The following KIF3A variants were observed in gnomAD, a reference collection of about 807,000 sequenced individuals.
KIF3A encodes the protein kinesin family member 3A, also known as kinesin-like protein KIF3A.
In KIF3A, 27 loss-of-function variants were observed where a neutral mutation model predicts 92.6. The observed-to-expected ratio is 0.29, with a 90% CI of 0.21 to 0.40. The LOEUF (loss-of-function observed/expected upper bound fraction) is 0.40, where lower values mean the gene tolerates loss of function less well. Among genes scored for constraint, KIF3A ranks in the 10% least tolerant of loss-of-function variants. The probability of loss-of-function intolerance (pLI) is 1.00; values close to 1 mark genes in which losing one functional copy is unlikely to be tolerated. For missense variants in KIF3A, 581 were observed against 872.6 expected, an observed-to-expected ratio of 0.67 and a Z score of 4.21; for synonymous variants, 250 against 275.4, an observed-to-expected ratio of 0.91 and a Z score of 0.92.
intron 10 of KIF3A, among the ~76,000 whole-genome samples, chr5:132,708,401 TTA>T (rs1753298170): frequency 6.6e-6 from 1 of 152,232 alleles, no homozygotes; most frequent in African/African-American, 2.4e-5. Context: ...GCTTCAAGCT[TTA>T]TGTTTTTCTT....
chr5:132,704,140 A>G (rs1285848563), intron 11 of KIF3A, among the ~76,000 whole-genome samples: 2 of 152,004 alleles, frequency 1.3e-5, no homozygotes, highest in Non-Finnish European at 2.9e-5. Context: ...TAGTTTTAAT[A>G]TATTTTTCAG....
At chr5:132,711,916 C>T (rs547507535) in intron 8 of KIF3A, among the ~76,000 whole-genome samples, 6 of 152,122 alleles carry the variant, frequency 3.9e-5, no homozygotes, top group African/African-American at 1.2e-4. Context: ...AATGATGAAG[C>T]CAATAAAACA....
chr5:132,726,550 C>A, intron 2 of KIF3A, 52 bp from the exon 3 acceptor site: 1 of 1,474,300 alleles, frequency 6.8e-7, no homozygotes, highest in Non-Finnish European at 9.4e-7. Context: ...TGCTACAGAA[C>A]AATAGCTCTT....
chr5:132,704,203 T>C (rs1753136100), intron 11 of KIF3A, among the ~76,000 whole-genome samples: 1 of 151,956 alleles, frequency 6.6e-6, no homozygotes, highest in African/African-American at 2.4e-5. Flanking sequence ...TTTCACAGCA[T>C]ACTTTTAAAG....
In KIF3A at chr5:132,737,542, T is replaced by C; in HGVS notation, c.-123A>G. ...TCGTTGACGCTCTCGAGACTGCGGC[T>C]TCTCGGGCGAGAGCGCCCAGTGCGC... On this transcript the variant is annotated 5_prime_UTR_variant, in exon 1 of 19. Coordinates refer to ENST00000403231, the MANE Select transcript of KIF3A (RefSeq NM_001300791.2). The C allele has an allele frequency of 8.4e-7, 1 of 1,188,932 alleles. No individual in the cohort carries two copies. Among genetic ancestry groups the C allele is most frequent in the Non-Finnish European group, 1.2e-6 (1 of 861,988 alleles). The allele number at this position is 1,188,932 out of a possible 1,614,324, so 73.6% of individuals were successfully genotyped here.
rs1752935266 is a variant in KIF3A, at chr5:132,699,060, C to T, written c.2132+111G>A. ...GCCAGGAATTTGATTTTTAATAAAT[C>T]AGCCAAAATATGTATCATGTTTTAA... On this transcript the variant is annotated intron_variant, in intron 18 of 18. Transcript: ENST00000403231. 2.7e-6 allele frequency: 3 copies of T among 1,121,730 alleles called. No individual in the cohort carries two copies. The African/African-American group carries it at 4.7e-5, about 18-fold the overall frequency. The allele number at this position is 1,121,730 out of a possible 1,614,324, so 69.5% of individuals were successfully genotyped here. A position where few individuals can be genotyped will look rare whatever the true frequency, so the allele number is the denominator to read the frequency against.
At chr5:132,732,111 T>A (rs1000852354) in intron 2 of KIF3A, among the ~76,000 whole-genome samples, 110 of 152,196 alleles carry the variant, frequency 7.2e-4, no homozygotes, top group African/African-American at 2.6e-3. Context: ...GGATACAAGG[T>A]CAATATACAA....
chr5:132,690,694 G>C (rs887976002), downstream of KIF3A, among the ~76,000 whole-genome samples: 1 of 152,102 alleles, frequency 6.6e-6, no homozygotes, highest in African/African-American at 2.4e-5. Flanking sequence ...CTGGGAGGCC[G>C]AGGCAGGCGG....
chr5:132,720,570 A>G, intron 5 of KIF3A, 39 bp downstream of exon 5: 1 of 1,356,700 alleles, frequency 7.4e-7, no homozygotes, highest in Non-Finnish European at 1.0e-6. Context: ...AGCCTACTCA[A>G]CACACAGATG....
At position 132,715,122 on chromosome 5, in the gene KIF3A, G is replaced by C. The variant is rs529857047; in HGVS notation, c.1129+635C>G. Among the ~76,000 whole-genome samples the C allele has an allele frequency of 2.0e-5, 3 of 152,132 alleles. No individual in the cohort carries two copies. The South Asian group carries it at 6.2e-4, about 31-fold the overall frequency. ...TTTACGTGGTTCGCGAAGGAGCTCT[G>C]TACCAATCAGAAAGGATCTGTTTCT... is the stretch of plus-strand genomic sequence containing the variant. On this transcript the variant is annotated intron_variant, in intron 8 of 18. Transcript: ENST00000403231.
At chr5:132,690,063 CA>C, downstream of KIF3A, among the ~76,000 whole-genome samples, 1 of 152,152 alleles carries the variant, frequency 6.6e-6, no homozygotes, top group East Asian at 1.9e-4. Context: ...ACTAAAAATA[CA>C]AAAATTAGCC....
intron 4 of KIF3A, among the ~76,000 whole-genome samples, chr5:132,722,302 G>A (rs1412854148): frequency 2.0e-5 from 3 of 152,104 alleles, no homozygotes; most frequent in Non-Finnish European, 4.4e-5. Context: ...TTAAAAAACT[G>A]GATGGAAATG....
chr5:132,715,956 A>T, intron 7 of KIF3A, 25 bp from the exon 8 acceptor site: 1 of 1,497,566 alleles, frequency 6.7e-7, no homozygotes, highest in Non-Finnish European at 9.1e-7. Flanking sequence ...ATATGAAACA[A>T]ATCATTTTAC....
At chr5:132,703,770 T>C in intron 11 of KIF3A, 151 bp from the exon 12 acceptor site, 1 of 581,830 alleles carries the variant, frequency 1.7e-6, no homozygotes, top group Middle Eastern at 4.6e-4. Context: ...AATAATATCA[T>C]GCATTTCCAT....
intron 15 of KIF3A, among the ~76,000 whole-genome samples, chr5:132,701,860 T>G (rs1239461969): frequency 2.0e-5 from 3 of 152,178 alleles, no homozygotes; most frequent in African/African-American, 7.2e-5. Context: ...ACCTACACCT[T>G]GATTCTGATC....
At chr5:132,700,817 C>T (rs1247463394) in intron 15 of KIF3A, 117 bp from the exon 16 acceptor site, 4 of 561,650 alleles carry the variant, frequency 7.1e-6, no homozygotes, top group Non-Finnish European at 1.3e-5. Context: ...ACATTATATA[C>T]TGATATAACC....
chr5:132,699,881 C>T lies in KIF3A; in HGVS notation c.2007+335G>A, dbSNP rs191768819. 1.3e-3 allele frequency among the ~76,000 whole-genome samples: 199 copies of T among 152,140 alleles called. 1 individual carries two copies. The highest frequency in any genetic ancestry group is 7.1e-3 in the Admixed American group (108 of 15,272). On this transcript the variant is annotated intron_variant, in intron 17 of 18. Coordinates refer to ENST00000403231, the MANE Select transcript of KIF3A (RefSeq NM_001300791.2). ...CCGGCCCGCTCCCTCTTCTTCTTGA[C>T]CTAGGACTAGAACTAGCTTTGAAGA...
At position 132,710,640 on chromosome 5, in the gene KIF3A, C is replaced by A. The variant is rs564329213; in HGVS notation, c.1228+319G>T. ...CAAAACAAACAAACAAACAAACAAA[C>A]AAAAAAACTTAGGTTCCTAACACAG... is the stretch of plus-strand genomic sequence containing the variant. On this transcript the variant is annotated intron_variant, in intron 9 of 18. Transcript: ENST00000403231. 1.8e-4 allele frequency among the ~76,000 whole-genome samples: 27 copies of A among 152,026 alleles called. No individual in the cohort carries two copies. In the South Asian group the frequency reaches 4.8e-3, roughly 27 times the overall value.
chr5:132,710,818 T>C, intron 9 of KIF3A, 141 bp downstream of exon 9: 1 of 1,128,258 alleles, frequency 8.9e-7, no homozygotes, highest in Non-Finnish European at 1.2e-6. Flanking sequence ...AATGCAAAGT[T>C]AACCAGGTAA....
Sources: gnomAD v4.1 joint callset for allele counts (sites outside exome capture counted in the v4.1 genomes callset) on GRCh38, gnomAD v4.1.1 for gene constraint, MANE v1.5 for transcripts, NCBI Gene and HGNC (gene_info 2026-07-23, HGNC 2026-07-21) for gene names.